The following MEGF6 variants were observed in gnomAD, a reference collection of about 807,000 sequenced individuals.
The protein encoded by MEGF6 is multiple epidermal growth factor-like domains protein 6.
Under a neutral mutation model 207.1 loss-of-function variants are expected in MEGF6, and 184 were observed. That is an observed-to-expected ratio of 0.89 (90% CI 0.79 to 1.00). The LOEUF is 1.00. Ranked by LOEUF, MEGF6 falls within the 50% of genes least tolerant of loss-of-function variation. MEGF6 has a pLI of 0.00. For missense variants in MEGF6, 2,282 were observed against 2,202.9 expected (o/e 1.04, Z -0.72); for synonymous variants, 1,038 against 910.0 (o/e 1.14, Z -2.53).
intron 3 of MEGF6, among the ~76,000 whole-genome samples, chr1:3,595,034 C>T (rs1012551655): frequency 3.1e-4 from 47 of 152,220 alleles, no homozygotes; most frequent in African/African-American, 1.1e-3. Context: ...GAACCACAGA[C>T]ACCAATGCAT....
At chr1:3,620,114 T>C in the MEGF6 span, among the ~76,000 whole-genome samples, 1 of 152,172 alleles carries the variant, frequency 6.6e-6, no homozygotes, top group Non-Finnish European at 1.5e-5. Flanking sequence ...TGATTTAGGG[T>C]ATCTGGCAGA....
chr1:3,557,237 C>A (rs1036977507), intron 4 of MEGF6, among the ~76,000 whole-genome samples: 1 of 152,236 alleles, frequency 6.6e-6, no homozygotes, highest in Non-Finnish European at 1.5e-5. Context: ...GGGATTCTAC[C>A]TTCTACGACT....
In MEGF6 at chr1:3,490,469, A is replaced by C; in HGVS notation, c.*59T>G. 6.3e-7 allele frequency: 1 copy of C among 1,587,810 alleles called. No homozygotes were observed. ...TGAAGTGTCCTTCTCAGTGGTCACC[A>C]AAGGCCAGGGTCCCCTCTGGCTGGG... is the stretch of plus-strand genomic sequence containing the variant. On this transcript the variant is annotated 3_prime_UTR_variant, in exon 37 of 37. Transcript: ENST00000356575.
At chr1:3,500,148 C>A (rs1219547249) in intron 21 of MEGF6, among the ~76,000 whole-genome samples, 1 of 152,202 alleles carries the variant, frequency 6.6e-6, no homozygotes, top group Non-Finnish European at 1.5e-5. Context: ...GGGATGGGAA[C>A]CTCCCCAGGG....
chr1:3,601,010 G>A (rs965314130), intron 2 of MEGF6, among the ~76,000 whole-genome samples: 7 of 152,126 alleles, frequency 4.6e-5, no homozygotes, highest in Non-Finnish European at 8.8e-5. Context: ...GTAATGCCGG[G>A]AGGGGATCCC....
In MEGF6 at chr1:3,505,691, C is replaced by T. The variant is rs575581955; in HGVS notation, c.1919-135G>A. 7.3e-5 allele frequency: 88 copies of T among 1,201,202 alleles called. No homozygotes were observed. In the Admixed American group the frequency reaches 2.0e-3, roughly 27 times the overall value. The allele number at this position is 1,201,202 out of a possible 1,614,324, so 74.4% of individuals were successfully genotyped here. On this transcript the variant is annotated intron_variant, in intron 15 of 36. Coordinates refer to ENST00000356575, the MANE Select transcript of MEGF6 (RefSeq NM_001409.4). ...CTGTCCTCCTCCACCTCTCCCCCTGCAGCCCACCGCCCCTTCCCTGAGTGT... is the reference window on the plus strand; with the variant it reads ...CTGTCCTCCTCCACCTCTCCCCCTGTAGCCCACCGCCCCTTCCCTGAGTGT...
At chr1:3,555,015 C>T (rs1002457801) in intron 4 of MEGF6, among the ~76,000 whole-genome samples, 2 of 152,164 alleles carry the variant, frequency 1.3e-5, no homozygotes, top group African/African-American at 4.8e-5. Flanking sequence ...AGGTCCTGCC[C>T]GGCCCTCTCC....
intron 4 of MEGF6, among the ~76,000 whole-genome samples, chr1:3,571,486 G>A (rs1342544921): frequency 3.3e-5 from 5 of 151,100 alleles, no homozygotes; most frequent in Middle Eastern, 3.4e-3. Context: ...GGGTCCTCCC[G>A]GCTCCAAAGG....
At chr1:3,540,336 C>T (rs1642475458) in intron 4 of MEGF6, among the ~76,000 whole-genome samples, 1 of 152,236 alleles carries the variant, frequency 6.6e-6, no homozygotes, top group Non-Finnish European at 1.5e-5. Context: ...CTGGAAGGAA[C>T]ACACCTTGCA....
intron 4 of MEGF6, among the ~76,000 whole-genome samples, chr1:3,568,727 C>T (rs973335462): frequency 4.6e-5 from 7 of 152,180 alleles, no homozygotes; most frequent in African/African-American, 7.2e-5. Context: ...GGTTTCTCTA[C>T]ATCAGCAGGA....
chr1:3,606,682 T>C (rs1274381477), intron 1 of MEGF6, among the ~76,000 whole-genome samples: 1 of 152,218 alleles, frequency 6.6e-6, no homozygotes, highest in Non-Finnish European at 1.5e-5. Context: ...TAGGAACTGC[T>C]ACAGGCATTG....
intron 1 of MEGF6, among the ~76,000 whole-genome samples, chr1:3,605,317 T>C (rs913061176): frequency 4.0e-5 from 6 of 151,784 alleles, no homozygotes; most frequent in Admixed American, 6.6e-5. Flanking sequence ...CACATTCATA[T>C]GCATGCTTAC....
intron 4 of MEGF6, among the ~76,000 whole-genome samples, chr1:3,574,908 A>G (rs2153708): frequency 0.096 from 14,627 of 152,102 alleles, 1,465 homozygotes; most frequent in African/African-American, 0.26. Flanking sequence ...CTCCCAAAGG[A>G]CTGGGATTAC....
At chr1:3,619,172 C>T in the MEGF6 span, among the ~76,000 whole-genome samples, 3 of 152,216 alleles carry the variant, frequency 2.0e-5, no homozygotes, top group Non-Finnish European at 4.4e-5. Context: ...TGGAAGACCT[C>T]GCATGGGTGA....
chr1:3,508,448 G>A, intron 13 of MEGF6, 110 bp downstream of exon 13: 1 of 1,333,946 alleles, frequency 7.5e-7, no homozygotes, highest in Middle Eastern at 2.6e-4. Context: ...AGAGCCCCCT[G>A]CCCAGGGCCA....
At chr1:3,501,566 G>A (rs1002072931) in intron 18 of MEGF6, among the ~76,000 whole-genome samples, 5 of 152,150 alleles carry the variant, frequency 3.3e-5, no homozygotes, top group African/African-American at 9.7e-5. Context: ...TAGAGATGGA[G>A]CCTCATGCAG....
rs778933772 is a variant in MEGF6 at position 3,490,562 on chromosome 1, G to C, written c.4592C>G (p.Pro1531Arg). Residue 1531 changes from proline (P) to arginine (R), a missense_variant, in exon 37 of 37, where the codon CCC (proline) becomes CGC (arginine). Physicochemically the swap from Pro to Arg is moderately radical, Grantham distance 103 (BLOSUM62 -2). Transcript: ENST00000356575. ...SAGTLPASSR[P>R]TSRSGGPARH ...CGCTGGTCCACCGCTCCGGGATGTG[G>C]GTCTGCTGGAGGCGGGCAGTGTGCC... 1.2e-6 allele frequency: 2 copies of C among 1,613,470 alleles called. No homozygotes were observed. Among genetic ancestry groups the C allele is most frequent in the Admixed American group, 1.7e-5 (1 of 59,988 alleles).
At chr1:3,490,874 C>G in intron 36 of MEGF6, 38 bp downstream of exon 36, 1 of 1,561,456 alleles carries the variant, frequency 6.4e-7, no homozygotes, top group South Asian at 1.2e-5. Flanking sequence ...ATAACCCACC[C>G]TCCTGGCAAG....
intron 17 of MEGF6, among the ~76,000 whole-genome samples, chr1:3,503,301 C>G (rs1640975460): frequency 6.6e-6 from 1 of 152,230 alleles, no homozygotes; most frequent in African/African-American, 2.4e-5. Context: ...GGGAACCCCC[C>G]TCCACTAACT....
Sources: gnomAD v4.1 joint callset for allele counts (sites outside exome capture counted in the v4.1 genomes callset) on GRCh38, gnomAD v4.1.1 for gene constraint, MANE v1.5 for transcripts, NCBI Gene and HGNC (gene_info 2026-07-23, HGNC 2026-07-21) for gene names.